PPP2R5E: variants seen among roughly 807,000 people sequenced by gnomAD.
PPP2R5E encodes the protein protein phosphatase 2 regulatory subunit B'epsilon, also known as serine/threonine-protein phosphatase 2A 56 kDa regulatory subunit epsilon isoform.
PPP2R5E carries 4 observed loss-of-function variants against 65.3 expected under a neutral mutation model. That is an observed-to-expected ratio of 0.06 (90% CI 0.03 to 0.14). The LOEUF (loss-of-function observed/expected upper bound fraction) is 0.14, where lower values mean the gene tolerates loss of function less well. Among genes scored for constraint, PPP2R5E ranks in the 10% least tolerant of loss-of-function variants. The probability of loss-of-function intolerance (pLI) is 1.00; values close to 1 mark genes in which losing one functional copy is unlikely to be tolerated. For synonymous variants in PPP2R5E, 183 were observed against 187.4 expected (o/e 0.98, Z 0.19); for missense variants, 274 against 556.1 (o/e 0.49, Z 5.10).
At chr14:63,430,361 A>ACATGCATGCATGCATG (rs1566696321) in intron 3 of PPP2R5E, among the ~76,000 whole-genome samples, 1 of 133,440 alleles carries the variant, frequency 7.5e-6, no homozygotes, top group African/African-American at 3.4e-5. Flanking sequence ...ATACATACAT[A>ACATGCATGCATGCATG]CATACATACA....
rs371773001 is a variant in PPP2R5E at position 63,392,071 on chromosome 14, G to T, written c.850-46C>A. On this transcript the variant is annotated intron_variant, in intron 8 of 13. Coordinates refer to ENST00000337537, the MANE Select transcript of PPP2R5E (RefSeq NM_006246.5). ...AAGGCAAAATTTTAAATTCTATACA[G>T]TAAGGGCTCAAAAGATACACTATTA... 1,864 of 1,463,784 alleles carry T rather than the reference G, an allele frequency of 1.3e-3. 2 individuals are homozygous for T. Among genetic ancestry groups the T allele is most frequent in the Non-Finnish European group, 1.6e-3 (1,725 of 1,077,712 alleles). 90.7% of individuals were successfully genotyped at this position (1,463,784 alleles called of 1,614,324 possible).
chr14:63,534,357 C>A (rs1407982538), intron 2 of PPP2R5E, among the ~76,000 whole-genome samples: 1 of 152,002 alleles, frequency 6.6e-6, no homozygotes, highest in African/African-American at 2.4e-5. Flanking sequence ...CTCCACCTCC[C>A]GGGGTCAAGT....
intron 2 of PPP2R5E, among the ~76,000 whole-genome samples, chr14:63,465,316 G>A (rs1266648334): frequency 5.3e-5 from 8 of 151,578 alleles, no homozygotes; most frequent in Non-Finnish European, 1.2e-4. Context: ...AGTATTTCTA[G>A]AAACATTAAA....
At chr14:63,480,660 G>A (rs1890651028) in intron 2 of PPP2R5E, among the ~76,000 whole-genome samples, 2 of 152,094 alleles carry the variant, frequency 1.3e-5, no homozygotes, top group African/African-American at 4.8e-5. Flanking sequence ...TGCACAGGCT[G>A]GTCTCGAACT....
chr14:63,415,211 G>T lies in PPP2R5E; in HGVS notation c.478C>A (p.Arg160=), dbSNP rs10133826. 4,133 of 1,601,366 alleles carry T rather than the reference G, an allele frequency of 2.6e-3. 82 individuals carry two copies. The African/African-American group carries it at 0.043, about 16-fold the overall frequency. ...TGGAATTCTTGGCTTTCCAAAAATC[G>T]TATGAAAAATTCATATACAAGCTGC... ...HLQLVYEFFI[R]FLESQEFQPS... The change falls in exon 5 of 14, where the codon CGA becomes AGA. Residue 160 remains arginine (R), a synonymous_variant. Coordinates refer to ENST00000337537, the MANE Select transcript of PPP2R5E (RefSeq NM_006246.5).
intron 2 of PPP2R5E, among the ~76,000 whole-genome samples, chr14:63,486,345 A>G (rs1890997023): frequency 6.8e-6 from 1 of 148,040 alleles, no homozygotes; most frequent in Non-Finnish European, 1.5e-5. Context: ...AAACATTTCT[A>G]CCAGGGAGCA....
chr14:63,463,296 C>G (rs1051844453), intron 2 of PPP2R5E, among the ~76,000 whole-genome samples: 4 of 149,144 alleles, frequency 2.7e-5, no homozygotes, highest in Non-Finnish European at 6.0e-5. Context: ...CGCACCACCA[C>G]GCCCAGCTAA....
intron 5 of PPP2R5E, among the ~76,000 whole-genome samples, chr14:63,407,391 G>A (rs997354623): frequency 1.3e-5 from 2 of 152,098 alleles, no homozygotes; most frequent in African/African-American, 4.8e-5. Context: ...AGGAAGCAAC[G>A]AATACTGGGC....
chr14:63,453,853 G>A lies in PPP2R5E; in HGVS notation c.190C>T (p.Leu64=). 6.4e-7 allele frequency: 1 copy of A among 1,571,364 alleles called. No individual in the cohort carries two copies. Among genetic ancestry groups the A allele is most frequent in the Non-Finnish European group, 8.6e-7 (1 of 1,161,086 alleles). Residue 64 remains leucine (L), a synonymous_variant, in exon 3 of 14, where the codon CTA becomes TTA. Coordinates refer to ENST00000337537, the MANE Select transcript of PPP2R5E (RefSeq NM_006246.5). ...VPSSEQPELF[L]KKLQQCCVIF... ...ACACAGCACTGCTGAAGTTTCTTTA[G>A]GAACAGTTCAGGCTGCTCTGAGGAT... is the stretch of plus-strand genomic sequence containing the variant.
intron 3 of PPP2R5E, among the ~76,000 whole-genome samples, chr14:63,448,373 T>G (rs576755040): frequency 6.6e-6 from 1 of 152,172 alleles, no homozygotes; most frequent in Non-Finnish European, 1.5e-5. Context: ...ATAACAGATA[T>G]AGTAACAATG....
At chr14:63,517,824 C>T (rs926434540) in intron 2 of PPP2R5E, among the ~76,000 whole-genome samples, 1 of 152,172 alleles carries the variant, frequency 6.6e-6, no homozygotes, top group Non-Finnish European at 1.5e-5. Context: ...ATTGCTTCAC[C>T]TAACTGCGGT....
chr14:63,459,603 C>A (rs1356269603), intron 2 of PPP2R5E, among the ~76,000 whole-genome samples: 2 of 152,096 alleles, frequency 1.3e-5, no homozygotes, highest in Admixed American at 6.5e-5. Context: ...CTTGACCAAT[C>A]CAATTACTTT....
intron 3 of PPP2R5E, among the ~76,000 whole-genome samples, chr14:63,445,763 A>T (rs932884160): frequency 6.6e-5 from 10 of 151,586 alleles, no homozygotes; most frequent in African/African-American, 2.4e-4. Flanking sequence ...AATCACTTGA[A>T]CCCAGGAGGC....
intron 2 of PPP2R5E, among the ~76,000 whole-genome samples, chr14:63,539,077 A>ATTTT (rs550545301): frequency 6.6e-6 from 1 of 152,046 alleles, no homozygotes; most frequent in African/African-American, 2.4e-5. Flanking sequence ...TAAATGGACC[A>ATTTT]TTTTTTTCTT....
intron 5 of PPP2R5E, among the ~76,000 whole-genome samples, chr14:63,397,723 AC>A (rs1885490163): frequency 6.7e-6 from 1 of 149,564 alleles, no homozygotes; most frequent in Non-Finnish European, 1.5e-5. Context: ...TATGTGAATA[AC>A]TTTTTTTTTT....
rs777964451 is a variant in PPP2R5E, at chr14:63,389,598, T to A, written c.1074+14A>T. The A allele has an allele frequency of 6.3e-7, 1 of 1,593,788 alleles. No homozygotes were observed. The highest frequency in any genetic ancestry group is 8.5e-7 in the Non-Finnish European group (1 of 1,173,928). On this transcript the variant is annotated intron_variant, in intron 11 of 13. Coordinates refer to ENST00000337537, the MANE Select transcript of PPP2R5E (RefSeq NM_006246.5). ...AACTCATGCTCCCTGGCTCATGTCC[T>A]CTTTACTACTAACCTGAAAATGGGG...
chr14:63,443,628 T>C (rs1888344200), intron 3 of PPP2R5E, among the ~76,000 whole-genome samples: 1 of 152,058 alleles, frequency 6.6e-6, no homozygotes, highest in Non-Finnish European at 1.5e-5. Flanking sequence ...CCTGCCCTAC[T>C]CCCATTCTGA....
At chr14:63,399,366 C>CTTTGTTTTT (rs1885604828) in intron 5 of PPP2R5E, among the ~76,000 whole-genome samples, 1 of 48,518 alleles carries the variant, frequency 2.1e-5, no homozygotes, top group Non-Finnish European at 3.6e-5. Context: ...GGATTTCTTT[C>CTTTGTTTTT]TTTTTTTTTT....
chr14:63,391,183 G>A (rs939095619), intron 10 of PPP2R5E, among the ~76,000 whole-genome samples: 1 of 152,098 alleles, frequency 6.6e-6, no homozygotes, highest in Non-Finnish European at 1.5e-5. Context: ...ACCTGATTGG[G>A]GCCTGGCCTG....
Sources: gnomAD v4.1 joint callset for allele counts (sites outside exome capture counted in the v4.1 genomes callset) on GRCh38, gnomAD v4.1.1 for gene constraint, MANE v1.5 for transcripts, NCBI Gene and HGNC (gene_info 2026-07-23, HGNC 2026-07-21) for gene names.